The following VSNL1 variants were observed in gnomAD, a reference collection of about 807,000 sequenced individuals.
The protein encoded by VSNL1 is visinin-like protein 1.
In VSNL1, 6 loss-of-function variants were observed where a neutral mutation model predicts 20.4. That is an observed-to-expected ratio of 0.29 (90% CI 0.16 to 0.58). VSNL1 has a LOEUF of 0.58. VSNL1 is among the 20% of genes least tolerant of loss of function. The pLI, the probability that VSNL1 is intolerant of heterozygous loss-of-function variation, is 0.90. For missense variants in VSNL1, 100 were observed against 234.5 expected, an observed-to-expected ratio of 0.43 and a Z score of 3.75; for synonymous variants, 93 against 86.4, an observed-to-expected ratio of 1.08 and a Z score of -0.42.
intron 1 of VSNL1, among the ~76,000 whole-genome samples, chr2:17,577,159 C>T (rs1437484085): frequency 2.6e-5 from 4 of 152,146 alleles, no homozygotes; most frequent in African/African-American, 7.2e-5. Context: ...ATATATTATA[C>T]TTTTATGGGA....
chr2:17,604,038 A>G (rs1158794635), intron 2 of VSNL1, among the ~76,000 whole-genome samples: 2 of 152,202 alleles, frequency 1.3e-5, no homozygotes, highest in African/African-American at 4.8e-5. Flanking sequence ...CTGGGAAGAT[A>G]AAGCCTTCAA....
chr2:17,562,928 CA>C (rs1235798056), intron 1 of VSNL1, among the ~76,000 whole-genome samples: 2 of 152,096 alleles, frequency 1.3e-5, no homozygotes, highest in East Asian at 3.8e-4. Flanking sequence ...TCCAACTATC[CA>C]ACCCTACTAG....
chr2:17,615,597 A>G (rs1342580483), intron 2 of VSNL1, among the ~76,000 whole-genome samples: 2 of 152,240 alleles, frequency 1.3e-5, no homozygotes, highest in East Asian at 1.9e-4. Context: ...AGTGGTTTAA[A>G]TAGACAGGAG....
chr2:17,573,599 G>T (rs2680831), intron 1 of VSNL1, among the ~76,000 whole-genome samples: 152,317 of 152,320 alleles, frequency 1, 76,157 homozygotes, highest in Non-Finnish European at 1. Context: ...ATTTCAGACT[G>T]TGGATTTCAA....
Position 17,650,224 on chromosome 2 carries a change from C to T in VSNL1, c.378+599C>T, listed in dbSNP as rs200507330. ...CTCTGGGGGCTCCTCCCTCACTTTGCTCCCATCTCTGGTCTTATCCCATCT... is the reference window on the plus strand; with the variant it reads ...CTCTGGGGGCTCCTCCCTCACTTTGTTCCCATCTCTGGTCTTATCCCATCT... On this transcript the variant is annotated intron_variant, in intron 3 of 3. Transcript: ENST00000295156. 1.1e-4 allele frequency among the ~76,000 whole-genome samples: 17 copies of T among 152,324 alleles called. No individual in the cohort carries two copies. In the East Asian group the frequency reaches 3.1e-3, roughly 28 times the overall value.
intron 3 of VSNL1, among the ~76,000 whole-genome samples, chr2:17,651,694 G>A (rs543757760): frequency 5.3e-5 from 8 of 152,268 alleles, no homozygotes; most frequent in East Asian, 1.9e-4. Context: ...GGCTGTCAGC[G>A]GCTGCTTTTC....
chr2:17,622,592 GAAA>G (rs1558303716), intron 2 of VSNL1, among the ~76,000 whole-genome samples: 26 of 124,718 alleles, frequency 2.1e-4, no homozygotes, highest in African/African-American at 7.2e-4. Flanking sequence ...AAGAAAGAAA[GAAA>G]GAAAGAAAAG....
intron 1 of VSNL1, among the ~76,000 whole-genome samples, chr2:17,567,935 C>T (rs1663991008): frequency 6.6e-6 from 1 of 151,964 alleles, no homozygotes; most frequent in East Asian, 1.9e-4. Context: ...AAATACATTG[C>T]TGGATTCTAT....
intron 1 of VSNL1, among the ~76,000 whole-genome samples, chr2:17,554,428 T>A (rs1663624931): frequency 6.6e-6 from 1 of 152,222 alleles, no homozygotes; most frequent in South Asian, 2.1e-4. Context: ...GTGACTGAGA[T>A]CACCTCATTG....
At position 17,655,189 on chromosome 2, in the gene VSNL1, T is replaced by C; in HGVS notation, c.379-8T>C. 1 of 1,613,218 alleles carries C rather than the reference T, an allele frequency of 6.2e-7. No homozygotes were observed. The highest frequency in any genetic ancestry group is 8.5e-7 in the Non-Finnish European group (1 of 1,179,702). ...GGTAATATCACCTACAATGCTTTTTTCCCCAAGGCTATCTACAAAATGGTA... is the reference window on the plus strand; with the variant it reads ...GGTAATATCACCTACAATGCTTTTTCCCCCAAGGCTATCTACAAAATGGTA... On this transcript the variant is annotated splice_region_variant and splice_polypyrimidine_tract_variant and intron_variant, in intron 3 of 3. Coordinates refer to ENST00000295156, the MANE Select transcript of VSNL1 (RefSeq NM_003385.5). This position sits in a 1 kb window ranked among gnomAD's most constrained non-coding sequence, Gnocchi z 5.2.
intron 2 of VSNL1, among the ~76,000 whole-genome samples, chr2:17,647,613 G>A (rs568353109): frequency 1.3e-5 from 2 of 152,186 alleles, no homozygotes; most frequent in Non-Finnish European, 2.9e-5. Context: ...AGTAGCATTG[G>A]GGGGTGAGGG....
chr2:17,642,714 C>G (rs79591523), intron 2 of VSNL1, among the ~76,000 whole-genome samples: 8,066 of 152,272 alleles, frequency 0.053, 229 homozygotes, highest in Middle Eastern at 0.11. Context: ...GAGTTCATGA[C>G]CTTTCTGGGG....
intron 1 of VSNL1, among the ~76,000 whole-genome samples, chr2:17,549,562 T>G (rs923560690): frequency 2.6e-5 from 4 of 152,150 alleles, no homozygotes; most frequent in Non-Finnish European, 5.9e-5. Context: ...CTAGATCAAG[T>G]GCATAATTGA....
At chr2:17,580,190 G>C (rs1164046596) in intron 1 of VSNL1, among the ~76,000 whole-genome samples, 1 of 152,130 alleles carries the variant, frequency 6.6e-6, no homozygotes, top group Non-Finnish European at 1.5e-5. Flanking sequence ...AGAAAATTCA[G>C]AGCTTCCATA....
intron 2 of VSNL1, among the ~76,000 whole-genome samples, chr2:17,619,979 G>A (rs1372311322): frequency 6.6e-6 from 1 of 152,116 alleles, no homozygotes; most frequent in African/African-American, 2.4e-5. Flanking sequence ...AGGGCATAGG[G>A]GAAGGGCACT....
At chr2:17,568,774 C>T (rs1366431093) in intron 1 of VSNL1, among the ~76,000 whole-genome samples, 3 of 152,130 alleles carry the variant, frequency 2.0e-5, no homozygotes, top group Non-Finnish European at 4.4e-5. Context: ...AGTATTTTCT[C>T]TAATTTTTAT....
intron 1 of VSNL1, among the ~76,000 whole-genome samples, chr2:17,569,607 C>T (rs1300937126): frequency 6.6e-6 from 1 of 152,110 alleles, no homozygotes; most frequent in East Asian, 1.9e-4. Flanking sequence ...TCCGTTACCT[C>T]ACTGTGCTCC....
intron 2 of VSNL1, among the ~76,000 whole-genome samples, chr2:17,597,022 A>G (rs4038132): frequency 0.53 from 81,086 of 152,076 alleles, 24,675 homozygotes; most frequent in East Asian, 0.86. Context: ...GCCACGTACG[A>G]TGGCAGCACC....
In VSNL1 at chr2:17,615,505, C is replaced by G. The variant is rs1030891185; in HGVS notation, c.162+23269C>G. Among the ~76,000 whole-genome samples the G allele has an allele frequency of 6.6e-5, 10 of 152,304 alleles. 1 individual carries two copies. The highest frequency in any genetic ancestry group is 2.2e-4 in the African/African-American group (9 of 41,552). On this transcript the variant is annotated intron_variant, in intron 2 of 3. Coordinates refer to ENST00000295156, the MANE Select transcript of VSNL1 (RefSeq NM_003385.5). ...AAGAAACCTCCTCTAACTCCCTTTGCCTCTGGAAAAGGTAAAAATTCCATT... is the reference window on the plus strand; with the variant it reads ...AAGAAACCTCCTCTAACTCCCTTTGGCTCTGGAAAAGGTAAAAATTCCATT...
Sources: gnomAD v4.1 joint callset for allele counts (sites outside exome capture counted in the v4.1 genomes callset) on GRCh38, gnomAD v4.1.1 for gene constraint, Gnocchi (gnomAD v3.1) non-coding constraint, MANE v1.5 for transcripts, NCBI Gene and HGNC (gene_info 2026-07-23, HGNC 2026-07-21) for gene names.